The following CADM2 variants were observed in gnomAD, a reference collection of about 807,000 sequenced individuals.
The protein encoded by CADM2 is immunoglobulin superfamily member 4D.
A neutral mutation model predicts 49.8 loss-of-function variants in CADM2; 12 were observed. The observed-to-expected ratio is 0.24, with a 90% confidence interval of 0.15 to 0.39. The LOEUF is 0.39. Among genes scored for constraint, CADM2 ranks in the 10% least tolerant of loss-of-function variants. The pLI is 1.00. For missense variants in CADM2, 378 were observed against 492.3 expected (o/e 0.77, Z 2.20); for synonymous variants, 214 against 175.4 (o/e 1.22, Z -1.74).
At chr3:84,960,062 A>C in intron 1 of CADM2, 4 of 269,448 alleles carry the variant, frequency 1.5e-5, no homozygotes, top group Non-Finnish European at 1.4e-5. Context: ...GACCCTCTCC[A>C]TCTCTTGTCA....
chr3:85,945,224 C>T (rs1260327715), intron 7 of CADM2, among the ~76,000 whole-genome samples: 1 of 151,984 alleles, frequency 6.6e-6, no homozygotes, highest in African/African-American at 2.4e-5. Flanking sequence ...CAAGACTAAA[C>T]CAGGAAGAAG....
At chr3:86,014,555 C>T in intron 8 of CADM2, 1 of 1,591,656 alleles carries the variant, frequency 6.3e-7, no homozygotes, top group Non-Finnish European at 8.6e-7. Flanking sequence ...CTGAGAGTTA[C>T]TATAAAGAAA....
intron 2 of CADM2, among the ~76,000 whole-genome samples, chr3:85,727,323 A>G (rs934530125): frequency 1.3e-5 from 2 of 152,122 alleles, no homozygotes; most frequent in Admixed American, 6.6e-5. Flanking sequence ...TAATACTATG[A>G]CATACGCTCA....
At chr3:85,248,367 T>C (rs2042697476) in intron 1 of CADM2, among the ~76,000 whole-genome samples, 1 of 152,118 alleles carries the variant, frequency 6.6e-6, no homozygotes, top group Non-Finnish European at 1.5e-5. Flanking sequence ...CTCTGCCTCC[T>C]GGATTCAAGC....
chr3:85,474,934 C>T (rs540799201), intron 1 of CADM2, among the ~76,000 whole-genome samples: 26 of 151,968 alleles, frequency 1.7e-4, no homozygotes, highest in African/African-American at 6.0e-4. Context: ...TCAGCATCCT[C>T]GAATCTCAAG....
rs937747760 is a variant in CADM2, at chr3:85,886,421, G to A, written c.529+94G>A. ...ATTTTACATTATTTTTCAAAACATA[G>A]TGTCTCTTACAGATTATGCATCATT... is the stretch of plus-strand genomic sequence containing the variant. On this transcript the variant is annotated intron_variant, in intron 5 of 9. Transcript: ENST00000383699. The A allele has an allele frequency of 1.5e-4, 137 of 928,614 alleles. No homozygotes were observed. The African/African-American group carries it at 2.1e-3, about 14-fold the overall frequency. 57.5% of individuals were successfully genotyped at this position (928,614 alleles called of 1,614,324 possible). A position where few individuals can be genotyped will look rare whatever the true frequency, so the allele number is the denominator to read the frequency against.
intron 1 of CADM2, among the ~76,000 whole-genome samples, chr3:85,407,946 A>G (rs745672738): frequency 6.8e-6 from 1 of 146,314 alleles, no homozygotes; most frequent in Non-Finnish European, 1.5e-5. Flanking sequence ...TTGAGCCTGG[A>G]AGCCCCAGAC....
At chr3:86,054,412 T>A (rs1310540675) in intron 8 of CADM2, among the ~76,000 whole-genome samples, 2 of 152,106 alleles carry the variant, frequency 1.3e-5, no homozygotes, top group Non-Finnish European at 2.9e-5. Flanking sequence ...TAAAAATATA[T>A]TTTAGTAGAA....
At chr3:85,338,521 G>T (rs1023410227) in intron 1 of CADM2, among the ~76,000 whole-genome samples, 12 of 151,292 alleles carry the variant, frequency 7.9e-5, no homozygotes, top group Non-Finnish European at 1.6e-4. Context: ...AAATTATAGT[G>T]CATATAATAT....
chr3:85,766,612 C>G (rs1025445239), intron 2 of CADM2, among the ~76,000 whole-genome samples: 11 of 152,158 alleles, frequency 7.2e-5, no homozygotes, highest in Admixed American at 3.3e-4. Flanking sequence ...TGGAATTTTG[C>G]TCTTGCAATT....
chr3:85,609,595 A>G (rs377158248), intron 1 of CADM2, among the ~76,000 whole-genome samples: 8 of 152,226 alleles, frequency 5.3e-5, no homozygotes, highest in African/African-American at 1.9e-4. Flanking sequence ...GTATAGATTT[A>G]CAGCCTGGAA....
intron 1 of CADM2, among the ~76,000 whole-genome samples, chr3:85,140,973 T>C (rs1164448996): frequency 6.6e-6 from 1 of 152,190 alleles, no homozygotes; most frequent in East Asian, 1.9e-4. Context: ...ACACAAAACC[T>C]ATGATGTCTA....
intron 1 of CADM2, among the ~76,000 whole-genome samples, chr3:85,681,395 T>C (rs1190445680): frequency 6.6e-6 from 1 of 152,156 alleles, no homozygotes; most frequent in Non-Finnish European, 1.5e-5. Flanking sequence ...CTGCTTAATC[T>C]TTAAGCTAAG....
intron 8 of CADM2, among the ~76,000 whole-genome samples, chr3:85,967,555 A>T (rs1178374170): frequency 6.6e-6 from 1 of 151,622 alleles, no homozygotes; most frequent in Non-Finnish European, 1.5e-5. Flanking sequence ...ATAATAATAC[A>T]TCCCTAATCT....
At chr3:85,517,393 T>A (rs775307529) in intron 1 of CADM2, among the ~76,000 whole-genome samples, 4 of 152,136 alleles carry the variant, frequency 2.6e-5, no homozygotes, top group Non-Finnish European at 5.9e-5. Context: ...ATTCTAGGAT[T>A]TATAGCCCTT....
At chr3:85,381,185 T>C (rs952747897) in intron 1 of CADM2, among the ~76,000 whole-genome samples, 4 of 151,988 alleles carry the variant, frequency 2.6e-5, no homozygotes, top group African/African-American at 9.7e-5. Flanking sequence ...CAAATGTGGC[T>C]GATTGGAGCT....
intron 1 of CADM2, among the ~76,000 whole-genome samples, chr3:85,077,442 T>A (rs1283038498): frequency 3.3e-5 from 5 of 152,136 alleles, no homozygotes; most frequent in Non-Finnish European, 5.9e-5. Flanking sequence ...AACTGTTATG[T>A]TGAGATATTA....
At chr3:85,679,930 T>C (rs998294894) in intron 1 of CADM2, among the ~76,000 whole-genome samples, 1 of 152,162 alleles carries the variant, frequency 6.6e-6, no homozygotes, top group Non-Finnish European at 1.5e-5. Context: ...ATATGAAGAA[T>C]TCAGATGATT....
At position 85,842,767 on chromosome 3, in the gene CADM2, A is replaced by G. The variant is rs1238459041; in HGVS notation, c.239-40524A>G. On this transcript the variant is annotated intron_variant, in intron 3 of 9. Coordinates refer to ENST00000383699, the MANE Select transcript of CADM2 (RefSeq NM_001167675.2). ...GTCTTATGTCTTTCTTTCAGTTATC[A>G]TGATTTTACCCTTACTGTTAACTTC... Among the ~76,000 whole-genome samples, 4 of 152,234 alleles carry G rather than the reference A, an allele frequency of 2.6e-5. No homozygotes were observed. The East Asian group carries it at 7.8e-4, about 30-fold the overall frequency.
Sources: allele counts gnomAD v4.1 joint callset (sites outside exome capture counted in the v4.1 genomes callset), GRCh38; gene constraint gnomAD v4.1.1; transcripts MANE v1.5; gene names NCBI Gene and HGNC (gene_info 2026-07-23, HGNC 2026-07-21).